The following ZNF382 variants were observed in gnomAD, a reference collection of about 807,000 sequenced individuals.
ZNF382 encodes the protein zinc finger protein 382.
In ZNF382, 20 loss-of-function variants were observed where a neutral mutation model predicts 38.8. The ratio of observed to expected loss-of-function variants is 0.51; its 90% confidence interval spans 0.36 to 0.75. The LOEUF (loss-of-function observed/expected upper bound fraction) is 0.75. Ranked by LOEUF, ZNF382 falls within the 30% of genes least tolerant of loss-of-function variation. The probability of loss-of-function intolerance (pLI) is 0.00; values close to 1 mark genes in which losing one functional copy is unlikely to be tolerated. For synonymous variants in ZNF382, 202 were observed against 223.1 expected, an observed-to-expected ratio of 0.91 and a Z score of 0.84; for missense variants, 546 against 654.1, an observed-to-expected ratio of 0.83 and a Z score of 1.80.
chr19:36,619,042 A>C (rs1322187348), intron 4 of ZNF382, among the ~76,000 whole-genome samples: 3 of 152,136 alleles, frequency 2.0e-5, no homozygotes, highest in African/African-American at 7.2e-5. Flanking sequence ...TAAATAAATA[A>C]ATACATAAAT....
At chr19:36,610,108 G>A (rs1313512416) in intron 3 of ZNF382, 55 bp downstream of exon 3, 25 of 1,592,532 alleles carry the variant, frequency 1.6e-5, no homozygotes, top group Admixed American at 5.4e-5. Context: ...AAGAATTCCT[G>A]AAACATATAG....
intron 3 of ZNF382, chr19:36,610,368 A>G (rs2037067264): frequency 5.3e-6 from 2 of 379,956 alleles, no homozygotes; most frequent in Admixed American, 4.5e-5. Context: ...GAAGCACGAG[A>G]ACCACTTGAA....
Position 36,609,931 on chromosome 19 carries a change from CA to C in ZNF382, c.18del (p.Val7CysfsTer6). 1 of 1,613,458 alleles carries C rather than the reference CA, an allele frequency of 6.2e-7. No homozygotes were observed. Among genetic ancestry groups the C allele is most frequent in the Non-Finnish European group, 8.5e-7 (1 of 1,179,828 alleles). On this transcript the variant is annotated frameshift_variant, in exon 3 of 5. Coordinates refer to ENST00000292928, the MANE Select transcript of ZNF382 (RefSeq NM_032825.5). LOFTEE classifies it high-confidence loss of function. The part of the protein sequence containing the change: MPLQG[S>X]VSFKDVTVDF... ...AACTAGAGTATGCCCTTACAGGGAT[CA>C]GTGTCATTCAAGGATGTGACTGTGG...
chr19:36,614,727 AC>A (rs1433625518), intron 4 of ZNF382, among the ~76,000 whole-genome samples: 2 of 151,986 alleles, frequency 1.3e-5, no homozygotes, highest in Non-Finnish European at 2.9e-5. Flanking sequence ...AGAATTCAAG[AC>A]CAGCCTGGCC....
In ZNF382 at chr19:36,633,989, G is replaced by A. The variant is rs2037270666; in HGVS notation, c.*6439G>A. On this transcript the variant is annotated 3_prime_UTR_variant, in exon 5 of 5. Transcript: ENST00000292928. ...TTCTTTGAGGTGTTGGAATTGTTTT[G>A]TATCCTGCTTGTGGTCATAGATAAA... The A allele has an allele frequency of 6.6e-6, 1 of 151,992 alleles. No homozygotes were observed. Among genetic ancestry groups the A allele is most frequent in the Admixed American group, 6.6e-5 (1 of 15,238 alleles). The allele number at this position is 151,992 out of a possible 1,614,324, so 9.4% of individuals were successfully genotyped here.
chr19:36,625,372 C>G (rs1018278680), intron 4 of ZNF382, among the ~76,000 whole-genome samples: 2 of 151,500 alleles, frequency 1.3e-5, no homozygotes, highest in African/African-American at 4.8e-5. Context: ...GAATTGGAAG[C>G]ACTTATAACA....
At position 36,627,536 on chromosome 19, in the gene ZNF382, A is replaced by C. The variant is rs769628550; in HGVS notation, c.1639A>C (p.Thr547Pro). The change falls in exon 5 of 5, where the codon ACG (threonine) becomes CCG (proline). Residue 547 changes from threonine (T) to proline (P), a missense_variant. Coordinates refer to ENST00000292928, the MANE Select transcript of ZNF382 (RefSeq NM_032825.5). Reference protein sequence around the residue: ...VHQKTHKVETTGIQ With the variant: ...VHQKTHKVETPGIQ ...TCAGAAAACTCACAAGGTAGAAACC[A>C]CGGGAATTCAGTAAGTAATGTGGCT... The C allele has an allele frequency of 3.2e-5, 52 of 1,609,034 alleles. No homozygotes were observed. The East Asian group carries it at 1.1e-3, about 35-fold the overall frequency.
chr19:36,626,996 C>G lies in ZNF382; in HGVS notation c.1099C>G (p.Leu367Val). Residue 367 changes from leucine (L) to valine (V), a missense_variant, in exon 5 of 5, where the codon CTC (leucine) becomes GTC (valine). By Grantham distance (32) the Leu-to-Val change is conservative. Coordinates refer to ENST00000292928, the MANE Select transcript of ZNF382 (RefSeq NM_032825.5). ...CGKSFRQKAT[L>V]TRHHKTHTGE... is the part of the protein sequence containing the mutation. Reference sequence around the variant, plus strand: ...GAAGTCCTTCCGCCAGAAGGCCACCCTCACTAGACATCACAAAACACATAC... The same window carrying G: ...GAAGTCCTTCCGCCAGAAGGCCACCGTCACTAGACATCACAAAACACATAC... The G allele has an allele frequency of 6.2e-7, 1 of 1,614,112 alleles. No homozygotes were observed. Among genetic ancestry groups the G allele is most frequent in the Non-Finnish European group, 8.5e-7 (1 of 1,179,998 alleles).
At chr19:36,616,012 G>A (rs2037123242) in intron 4 of ZNF382, among the ~76,000 whole-genome samples, 2 of 152,232 alleles carry the variant, frequency 1.3e-5, no homozygotes, top group South Asian at 2.1e-4. Context: ...TTCTGGGGGT[G>A]TTAGGAACAT....
rs1368080661 is a variant in ZNF382, at chr19:36,610,741, A to G, written c.231A>G (p.Leu77=). The part of the protein sequence containing the change: ...TQRIFPSYSY[L]EEDGKTEDVL... The stretch of plus-strand genomic sequence containing the variant: ...GAATTTTTCCAAGTTACAGCTACCT[A>G]GGTGAGTCTATAAATGAAGTCTAGT... The change falls in exon 4 of 5, where the codon CTA becomes CTG. Residue 77 remains leucine (L), a splice_region_variant and synonymous_variant. Transcript: ENST00000292928. The G allele has an allele frequency of 1.2e-6, 2 of 1,609,674 alleles. No homozygotes were observed. Among genetic ancestry groups the G allele is most frequent in the Non-Finnish European group, 1.7e-6 (2 of 1,176,824 alleles).
chr19:36,614,914 C>CTTTCCTTCCCTTCCCTTTCCCT (rs752527955), intron 4 of ZNF382, among the ~76,000 whole-genome samples: 1 of 90,788 alleles, frequency 1.1e-5, no homozygotes, highest in African/African-American at 4.7e-5. Context: ...CTTTCCTTTC[C>CTTTCCTTCCCTTCCCTTTCCCT]TTCCCTTTCC....
Position 36,627,704 on chromosome 19 carries a change from A to ACC in ZNF382, c.*155_*156insCC. 5.3e-6 allele frequency: 3 copies of ACC among 565,232 alleles called. No individual in the cohort carries two copies. Among genetic ancestry groups the ACC allele is most frequent in the Non-Finnish European group, 9.3e-6 (3 of 323,894 alleles). 35.0% of individuals were successfully genotyped at this position (565,232 alleles called of 1,614,324 possible). ...AAAACACACACACACACACACACAC[A>ACC]CACACAAATATTATTAGACAAATTA... On this transcript the variant is annotated 3_prime_UTR_variant, in exon 5 of 5. Coordinates refer to ENST00000292928, the MANE Select transcript of ZNF382 (RefSeq NM_032825.5).
Position 36,626,221 on chromosome 19 carries a change from A to T in ZNF382, c.324A>T (p.Lys108Asn). The T allele has an allele frequency of 6.2e-7, 1 of 1,605,072 alleles. No individual in the cohort carries two copies. Among genetic ancestry groups the T allele is most frequent in the Non-Finnish European group, 8.5e-7 (1 of 1,177,768 alleles). ...SRPLIFINHK[K>N]LIKERSNIYG... ...CCCTCATATTCATCAACCACAAAAA[A>T]CTAATTAAGGAGAGAAGTAATATTT... Residue 108 changes from lysine (K) to asparagine (N), a missense_variant, in exon 5 of 5, where the codon AAA becomes AAT. Physicochemically the swap from Lys to Asn is moderately conservative, Grantham distance 94. Coordinates refer to ENST00000292928, the MANE Select transcript of ZNF382 (RefSeq NM_032825.5).
intron 4 of ZNF382, among the ~76,000 whole-genome samples, chr19:36,625,691 C>A (rs925319964): frequency 1.3e-4 from 20 of 152,062 alleles, no homozygotes; most frequent in Non-Finnish European, 1.9e-4. Context: ...TCCTGAGTAG[C>A]TGGGATTACA....
At chr19:36,616,754 A>C (rs2037129001) in intron 4 of ZNF382, among the ~76,000 whole-genome samples, 1 of 152,194 alleles carries the variant, frequency 6.6e-6, no homozygotes, top group Admixed American at 6.5e-5. Flanking sequence ...TGAGTGAATA[A>C]AATATCCACT....
intron 1 of ZNF382, among the ~76,000 whole-genome samples, chr19:36,607,012 G>T (rs1189464139): frequency 6.6e-6 from 1 of 151,288 alleles, no homozygotes; most frequent in Non-Finnish European, 1.5e-5. Context: ...GGGAGGTGGA[G>T]GTTGCGGTCA....
rs1052971375 is a variant in ZNF382, at chr19:36,633,892, G to A, written c.*6342G>A. On this transcript the variant is annotated 3_prime_UTR_variant, in exon 5 of 5. Transcript: ENST00000292928. ...TGGAAAAGGTGAAAATATAACAACAGAAAACAGATCAAATGTTGCTGAGTG... is the reference window on the plus strand; with the variant it reads ...TGGAAAAGGTGAAAATATAACAACAAAAAACAGATCAAATGTTGCTGAGTG... 1.3e-5 allele frequency: 2 copies of A among 152,084 alleles called. No homozygotes were observed. The highest frequency in any genetic ancestry group is 2.4e-5 in the African/African-American group (1 of 41,422). 9.4% of individuals were successfully genotyped at this position (152,084 alleles called of 1,614,324 possible). A position where few individuals can be genotyped will look rare whatever the true frequency, so the allele number is the denominator to read the frequency against.
intron 3 of ZNF382, 174 bp from the exon 4 acceptor site, chr19:36,610,476 G>A: frequency 4.1e-6 from 2 of 485,572 alleles, no homozygotes; most frequent in Non-Finnish European, 7.2e-6. Context: ...GAAAAGAAAA[G>A]GAAAGAAAGA....
chr19:36,608,601 A>G (rs938893137), intron 2 of ZNF382: 1 of 152,172 alleles, frequency 6.6e-6, no homozygotes, highest in Admixed American at 6.5e-5. Flanking sequence ...CTCTACGCAC[A>G]ATCAGATTCA....
Sources: gnomAD v4.1 joint callset for allele counts (sites outside exome capture counted in the v4.1 genomes callset) on GRCh38, gnomAD v4.1.1 for gene constraint, MANE v1.5 for transcripts, NCBI Gene and HGNC (gene_info 2026-07-23, HGNC 2026-07-21) for gene names.